ATP10A: variants seen among roughly 807,000 people sequenced by gnomAD.
ATP10A encodes ATPase phospholipid transporting 10A (putative).
A neutral mutation model predicts 147.8 loss-of-function variants in ATP10A; 111 were observed. The observed-to-expected ratio is 0.75, with a 90% CI of 0.64 to 0.88. ATP10A has a LOEUF of 0.88. ATP10A is among the 40% of genes least tolerant of loss of function. The pLI, the probability that ATP10A is intolerant of heterozygous loss-of-function variation, is 0.00. For missense variants in ATP10A, 1,927 were observed against 1,959.0 expected (o/e 0.98, Z 0.31); for synonymous variants, 875 against 841.6 (o/e 1.04, Z -0.69).
chr15:25,826,600 G>A (rs1892124881), intron 1 of ATP10A, among the ~76,000 whole-genome samples: 1 of 152,106 alleles, frequency 6.6e-6, no homozygotes. Context: ...TTTACGACCA[G>A]CCTGGCCAAC....
Position 25,713,700 on chromosome 15 carries a change from A to T in ATP10A, c.2318T>A (p.Met773Lys). The change falls in exon 10 of 21, where the codon ATG becomes AAG. Residue 773 changes from methionine (M) to lysine (K), a missense_variant. By Grantham distance (95) the Met-to-Lys change is moderately conservative. Transcript: ENST00000555815. The stretch of plus-strand genomic sequence containing the variant: ...TGAAGAGCAGGGCTGCAGGAGATCC[A>T]TGACCACTGAGTCGGCCCCCTTGGT... Reference protein sequence around the residue: ...VYTKGADSVVMDLLQPCSSVD... With the variant: ...VYTKGADSVVKDLLQPCSSVD... 6.2e-7 allele frequency: 1 copy of T among 1,614,080 alleles called. No individual in the cohort carries two copies. Among genetic ancestry groups the T allele is most frequent in the Non-Finnish European group, 8.5e-7 (1 of 1,180,004 alleles).
intron 10 of ATP10A, 68 bp downstream of exon 10, chr15:25,713,606 T>C: frequency 1.4e-6 from 2 of 1,424,898 alleles, no homozygotes; most frequent in Non-Finnish European, 1.9e-6. Context: ...AGAGAAGGAA[T>C]TGGGTGGGGA....
chr15:25,720,054 G>A (rs1251874094), intron 7 of ATP10A, among the ~76,000 whole-genome samples: 1 of 152,152 alleles, frequency 6.6e-6, no homozygotes, highest in Non-Finnish European at 1.5e-5. Context: ...TTGAGGCAAG[G>A]AAACCCTCTG....
At chr15:25,694,731 GT>G (rs1900216595) in intron 14 of ATP10A, 87 bp downstream of exon 14, 4 of 1,187,434 alleles carry the variant, frequency 3.4e-6, no homozygotes, top group Non-Finnish European at 4.7e-6. Context: ...GTGAGGAAGT[GT>G]TTTCCCATCT....
chr15:25,816,251 G>A (rs1284606425), intron 1 of ATP10A, among the ~76,000 whole-genome samples: 1 of 148,944 alleles, frequency 6.7e-6, no homozygotes, highest in African/African-American at 2.5e-5. Context: ...TTTTTTTGAT[G>A]AGGGGTCTCA....
chr15:25,794,087 G>C (rs1268801538), intron 1 of ATP10A, among the ~76,000 whole-genome samples: 1 of 152,204 alleles, frequency 6.6e-6, no homozygotes, highest in Non-Finnish European at 1.5e-5. Context: ...AGATGAAAAG[G>C]CTTCACTGAT....
At chr15:25,690,187 T>C (rs1223218425) in intron 15 of ATP10A, among the ~76,000 whole-genome samples, 3 of 151,536 alleles carry the variant, frequency 2.0e-5, no homozygotes, top group Non-Finnish European at 4.4e-5. Context: ...TCTACATGTA[T>C]TTCACATATT....
At chr15:25,776,800 A>G (rs1434959200) in intron 2 of ATP10A, among the ~76,000 whole-genome samples, 1 of 152,140 alleles carries the variant, frequency 6.6e-6, no homozygotes, top group Non-Finnish European at 1.5e-5. Context: ...AATGCTCTTC[A>G]TTAAATACAA....
intron 1 of ATP10A, chr15:25,862,032 G>T: frequency 2.9e-6 from 1 of 339,940 alleles, no homozygotes; most frequent in Non-Finnish European, 5.8e-6. Context: ...CAGGAAGCAG[G>T]TTAAGATGAA....
rs117752515 is a variant in ATP10A at position 25,771,052 on chromosome 15, C to A, written c.654+9967G>T. The stretch of plus-strand genomic sequence containing the variant: ...GTAGAAAGTGCATGCTGTTTATAAG[C>A]GGTAGTGGTTTTCCTTTTCAGCCCG... On this transcript the variant is annotated intron_variant, in intron 2 of 20. Transcript: ENST00000555815. Among the ~76,000 whole-genome samples the A allele has an allele frequency of 6.6e-3, 1,002 of 152,214 alleles. 2 individuals are homozygous for A. The highest frequency in any genetic ancestry group is 0.013 in the South Asian group (62 of 4,820).
chr15:25,727,603 C>T (rs1221009376), intron 3 of ATP10A, among the ~76,000 whole-genome samples: 7 of 152,164 alleles, frequency 4.6e-5, no homozygotes, highest in East Asian at 1.9e-4. Flanking sequence ...GGCCTTGCTA[C>T]GTGGTCTCTG....
intron 1 of ATP10A, among the ~76,000 whole-genome samples, chr15:25,792,811 T>C (rs1224757877): frequency 3.3e-5 from 5 of 151,676 alleles, no homozygotes; most frequent in Non-Finnish European, 1.5e-5. Context: ...CATCTTTACC[T>C]GCACAACTTC....
chr15:25,832,117 G>C (rs1228932787), intron 1 of ATP10A, among the ~76,000 whole-genome samples: 1 of 152,178 alleles, frequency 6.6e-6, no homozygotes, highest in Non-Finnish European at 1.5e-5. Context: ...ACAGAAATCA[G>C]ATCAACGTGG....
chr15:25,822,718 AATT>A (rs1298645485), intron 1 of ATP10A, among the ~76,000 whole-genome samples: 1 of 152,198 alleles, frequency 6.6e-6, no homozygotes, highest in Non-Finnish European at 1.5e-5. Context: ...CTTAGAAAAT[AATT>A]ATTAGAGAAA....
chr15:25,706,052 G>A (rs1002464033), intron 12 of ATP10A, among the ~76,000 whole-genome samples: 10 of 152,240 alleles, frequency 6.6e-5, no homozygotes, highest in African/African-American at 2.4e-4. Flanking sequence ...ATCAGAGGAA[G>A]TGGAACAGGG....
intron 1 of ATP10A, among the ~76,000 whole-genome samples, chr15:25,842,171 G>A (rs1892836991): frequency 6.6e-6 from 1 of 152,202 alleles, no homozygotes. Context: ...TGGCTTGGGT[G>A]TGGAGCGGGC....
chr15:25,772,222 T>C (rs540396220), intron 2 of ATP10A, among the ~76,000 whole-genome samples: 2 of 152,304 alleles, frequency 1.3e-5, no homozygotes, highest in Non-Finnish European at 2.9e-5. Context: ...TTCCAGGTTC[T>C]GGGCTGTGGC....
chr15:25,792,907 G>A (rs564337958), intron 1 of ATP10A, among the ~76,000 whole-genome samples: 4 of 130,256 alleles, frequency 3.1e-5, no homozygotes, highest in South Asian at 2.4e-4. Flanking sequence ...TTTTGCTCTC[G>A]TTCCCCAGGC....
chr15:25,703,106 C>T (rs1050819870), intron 12 of ATP10A, among the ~76,000 whole-genome samples: 8 of 152,166 alleles, frequency 5.3e-5, no homozygotes, highest in Non-Finnish European at 7.3e-5. Flanking sequence ...GCCTGTAATC[C>T]CAGCACTTCG....
Sources: gnomAD v4.1 joint callset for allele counts (sites outside exome capture counted in the v4.1 genomes callset) on GRCh38, gnomAD v4.1.1 for gene constraint, MANE v1.5 for transcripts, NCBI Gene and HGNC (gene_info 2026-07-23, HGNC 2026-07-21) for gene names.